Variants in VCAN observed in about 807,000 individuals in gnomAD.
VCAN encodes versican core protein.
Under a neutral mutation model 245.5 loss-of-function variants are expected in VCAN, and 44 were observed. The ratio of observed to expected loss-of-function variants is 0.18; its 90% confidence interval spans 0.14 to 0.23. The LOEUF (loss-of-function observed/expected upper bound fraction) is 0.23. VCAN is among the 10% of genes least tolerant of loss of function. The pLI is 1.00. For missense variants in VCAN, 3,793 were observed against 4,057.9 expected (o/e 0.93, Z 1.77); for synonymous variants, 1,413 against 1,437.0 (o/e 0.98, Z 0.38).
In VCAN at chr5:83,580,161, C is replaced by T. The variant is rs139494023; in HGVS notation, c.10062C>T (p.Asn3354=). The change falls in exon 14 of 15, where the codon AAC becomes AAT. Residue 3354 remains asparagine, a splice_region_variant and synonymous_variant. Coordinates refer to ENST00000265077, the MANE Select transcript of VCAN (RefSeq NM_004385.5). ...CTATACCTAAAATTACCTGCATGAA[C>T]CGTAAGTGGTCCTTTAGAAAGAATG... ...RWAIPKITCM[N]PSAYQRTYSM... is the part of the protein sequence containing the mutation. 10 of 1,613,912 alleles carry T rather than the reference C, an allele frequency of 6.2e-6. No homozygotes were observed. In the African/African-American group the frequency reaches 1.1e-4, roughly 17 times the overall value.
In VCAN at chr5:83,541,528, A is replaced by T; in HGVS notation, c.8525A>T (p.Glu2842Val). Residue 2842 changes from glutamate (E) to valine (V), a missense_variant, in exon 8 of 15, where the codon GAG (glutamate) becomes GTG (valine). Physicochemically the swap from Glu to Val is moderately radical, Grantham distance 121 (BLOSUM62 -2). Around this residue, in one of 5 missense-constraint regions of VCAN, gnomAD observed 3,182 missense variants for 3,250.3 expected, o/e 0.98. Transcript: ENST00000265077. ...YSGSEASGHT[E>V]IPQPSALPGI... ...GGCAGTGAAGCCTCTGGACACACAG[A>T]GATCCCCCAGCCCAGTGCTCTGCCA... The T allele has an allele frequency of 1.9e-6, 3 of 1,613,988 alleles. No homozygotes were observed. Among genetic ancestry groups the T allele is most frequent in the Non-Finnish European group, 2.5e-6 (3 of 1,179,996 alleles).
intron 7 of VCAN, among the ~76,000 whole-genome samples, chr5:83,528,293 A>C (rs1419571783): frequency 3.3e-5 from 5 of 152,164 alleles, no homozygotes; most frequent in African/African-American, 1.2e-4. Context: ...TCTCTGTTGG[A>C]GGGATAGATT....
intron 7 of VCAN, among the ~76,000 whole-genome samples, chr5:83,532,821 A>G (rs1746572276): frequency 6.6e-6 from 1 of 152,154 alleles, no homozygotes. Context: ...AAACAAAATA[A>G]TTTCAACTCC....
chr5:83,570,161 T>C (rs542925978), intron 12 of VCAN, among the ~76,000 whole-genome samples: 1 of 152,132 alleles, frequency 6.6e-6, no homozygotes, highest in East Asian at 1.9e-4. Flanking sequence ...TCCAGGCCAT[T>C]TGGAGAGTAA....
At chr5:83,532,744 T>A (rs1013112894) in intron 7 of VCAN, among the ~76,000 whole-genome samples, 1 of 152,080 alleles carries the variant, frequency 6.6e-6, no homozygotes, top group East Asian at 1.9e-4. Flanking sequence ...ATTTGCAAGT[T>A]GTCGCGAACT....
intron 5 of VCAN, among the ~76,000 whole-genome samples, chr5:83,509,071 G>C (rs1045854692): frequency 6.7e-6 from 1 of 148,356 alleles, no homozygotes; most frequent in Non-Finnish European, 1.5e-5. Flanking sequence ...AGAAAAGAAA[G>C]AAAGAAAGAA....
chr5:83,559,029 C>T (rs956994727), intron 12 of VCAN, among the ~76,000 whole-genome samples: 1 of 152,214 alleles, frequency 6.6e-6, no homozygotes, highest in Admixed American at 6.6e-5. Context: ...CTATTGTTAA[C>T]TTGACGATTG....
intron 12 of VCAN, among the ~76,000 whole-genome samples, chr5:83,561,574 T>C (rs1747868312): frequency 6.6e-6 from 1 of 152,134 alleles, no homozygotes; most frequent in African/African-American, 2.4e-5. Flanking sequence ...TTGATTCGAG[T>C]TGATGCACAA....
intron 5 of VCAN, among the ~76,000 whole-genome samples, chr5:83,504,118 A>T (rs1189074327): frequency 6.6e-6 from 1 of 152,190 alleles, no homozygotes; most frequent in Non-Finnish European, 1.5e-5. Flanking sequence ...TCTGATGTTA[A>T]TTCCCACAAT....
chr5:83,487,735 TG>T (rs1744842660), intron 2 of VCAN, among the ~76,000 whole-genome samples: 1 of 152,130 alleles, frequency 6.6e-6, no homozygotes. Flanking sequence ...AAACAACCCT[TG>T]GGAAATTGCT....
chr5:83,481,625 G>T (rs932271651), intron 1 of VCAN, among the ~76,000 whole-genome samples: 3 of 151,858 alleles, frequency 2.0e-5, no homozygotes, highest in Non-Finnish European at 4.4e-5. Context: ...TAATTATCAG[G>T]GTTAATTTAG....
Position 83,540,952 on chromosome 5 carries a change from C to T in VCAN, c.7949C>T (p.Thr2650Ile), listed in dbSNP as rs1327165552. ...ADVLASYTQA[T>I]HDESMTYEDR... is the part of the protein sequence containing the mutation. ...GTTCTGGCTAGCTACACTCAGGCAACACATGATGAATCAATGACTTATGAA... is the reference window on the plus strand; with the variant it reads ...GTTCTGGCTAGCTACACTCAGGCAATACATGATGAATCAATGACTTATGAA... Residue 2650 changes from threonine to isoleucine, a missense_variant, in exon 8 of 15, where the codon ACA becomes ATA. This residue lies in a region of VCAN where 3,182 missense variants were observed against 3,250.3 expected (regional missense o/e 0.98). Coordinates refer to ENST00000265077, the MANE Select transcript of VCAN (RefSeq NM_004385.5). The T allele has an allele frequency of 5.6e-6, 9 of 1,614,080 alleles. No homozygotes were observed. Among genetic ancestry groups the T allele is most frequent in the Middle Eastern group, 1.6e-4 (1 of 6,062 alleles).
chr5:83,542,777 A>C (rs1051135200), intron 8 of VCAN, among the ~76,000 whole-genome samples: 3 of 152,214 alleles, frequency 2.0e-5, no homozygotes, highest in Admixed American at 1.3e-4. Flanking sequence ...GCTCATACTT[A>C]TATGCAATGT....
intron 7 of VCAN, 31 bp downstream of exon 7, chr5:83,522,340 A>C: frequency 6.3e-7 from 1 of 1,595,110 alleles, no homozygotes; most frequent in South Asian, 1.1e-5. Flanking sequence ...CTAGCATTGA[A>C]GGCAATCCTC....
intron 8 of VCAN, among the ~76,000 whole-genome samples, chr5:83,545,295 A>T (rs558072063): frequency 4.1e-4 from 62 of 152,352 alleles, no homozygotes; most frequent in African/African-American, 1.4e-3. Flanking sequence ...AGTACAAAAA[A>T]TATCATTTAA....
intron 13 of VCAN, among the ~76,000 whole-genome samples, chr5:83,579,014 A>G (rs1421968978): frequency 1.3e-5 from 2 of 152,198 alleles, no homozygotes; most frequent in Non-Finnish European, 2.9e-5. Context: ...GATGGTTAAG[A>G]ATTCCAAGCT....
At chr5:83,476,689 G>A (rs1479571729) in intron 1 of VCAN, among the ~76,000 whole-genome samples, 1 of 151,896 alleles carries the variant, frequency 6.6e-6, no homozygotes, top group Middle Eastern at 3.2e-3. Context: ...TGTGTGGGGG[G>A]TGCGTGTGTG....
chr5:83,570,481 A>T (rs1365531610), intron 12 of VCAN, among the ~76,000 whole-genome samples: 1 of 152,052 alleles, frequency 6.6e-6, no homozygotes, highest in African/African-American at 2.4e-5. Context: ...AAAGATCTAA[A>T]TTTTTTTTAC....
chr5:83,538,865 A>G lies in VCAN; in HGVS notation c.5862A>G (p.Val1954=). The G allele has an allele frequency of 1.2e-6, 2 of 1,614,036 alleles. No individual in the cohort carries two copies. Among genetic ancestry groups the G allele is most frequent in the Non-Finnish European group, 1.7e-6 (2 of 1,179,960 alleles). ...VSHPIAKEET[V]MMEGSGDAAF... The stretch of plus-strand genomic sequence containing the variant: ...ATCCCATAGCAAAAGAAGAAACGGT[A>G]ATGATGGAAGGCTCTGGAGATGCAG... The change falls in exon 8 of 15, where the codon GTA becomes GTG. Residue 1954 remains valine, a synonymous_variant. Transcript: ENST00000265077.
Sources: gnomAD v4.1 joint callset for allele counts (sites outside exome capture counted in the v4.1 genomes callset) on GRCh38, gnomAD v4.1.1 for gene constraint, gnomAD v4.1.1 regional missense constraint, MANE v1.5 for transcripts, NCBI Gene and HGNC (gene_info 2026-07-23, HGNC 2026-07-21) for gene names.